RYR2: variants seen among roughly 807,000 people sequenced by gnomAD.
RYR2 encodes the protein ryanodine receptor 2, also known as cardiac muscle ryanodine receptor-calcium release channel.
A neutral mutation model predicts 601.1 loss-of-function variants in RYR2; 227 were observed. That is an observed-to-expected ratio of 0.38 (90% CI 0.34 to 0.42). The LOEUF is 0.42. Among genes scored for constraint, RYR2 ranks in the 10% least tolerant of loss-of-function variants. The pLI is 1.00. For missense variants in RYR2, 4,646 were observed against 6,156.5 expected, an observed-to-expected ratio of 0.75 and a Z score of 8.21; for synonymous variants, 2,223 against 2,175.1, an observed-to-expected ratio of 1.02 and a Z score of -0.61.
chr1:237,188,597 T>C (rs1679623175), intron 1 of RYR2, among the ~76,000 whole-genome samples: 1 of 151,908 alleles, frequency 6.6e-6, no homozygotes, highest in Non-Finnish European at 1.5e-5. Flanking sequence ...GGAGTTTCAC[T>C]CTTTGTTGCC....
intron 33 of RYR2, among the ~76,000 whole-genome samples, chr1:237,594,897 T>TGTTTTTTG (rs1559084064): frequency 2.3e-3 from 49 of 21,210 alleles, no homozygotes; most frequent in African/African-American, 3.4e-3. Context: ...TTTTTTTTTT[T>TGTTTTTTG]TTTTTTTTTT....
intron 96 of RYR2, 38 bp from the exon 97 acceptor site, chr1:237,797,999 G>GT (rs1428735712): frequency 2.5e-6 from 4 of 1,579,016 alleles, no homozygotes; most frequent in Non-Finnish European, 3.4e-6. Flanking sequence ...GTTACTTAAT[G>GT]GTTGAAGCCA....
intron 29 of RYR2, among the ~76,000 whole-genome samples, chr1:237,587,399 A>T (rs1297441637): frequency 6.6e-6 from 1 of 152,170 alleles, no homozygotes; most frequent in Non-Finnish European, 1.5e-5. Context: ...TTTTTTAATA[A>T]AATATATATA....
rs1667428269 is a variant in RYR2 at position 237,524,961 on chromosome 1, T to C, written c.2823-5466T>C. ...TAGAATCAGAGGGTACATGTGCGTG[T>C]TTGTAACATAGGTATATTGCTATGT... On this transcript the variant is annotated intron_variant, in intron 24 of 104. Coordinates refer to ENST00000366574, the MANE Select transcript of RYR2 (RefSeq NM_001035.3). Among the ~76,000 whole-genome samples, 5 of 152,252 alleles carry C rather than the reference T, an allele frequency of 3.3e-5. No homozygotes were observed. The South Asian group carries it at 1.0e-3, about 32-fold the overall frequency.
intron 58 of RYR2, among the ~76,000 whole-genome samples, chr1:237,673,160 G>T (rs1685102608): frequency 6.6e-6 from 1 of 152,088 alleles, no homozygotes; most frequent in Non-Finnish European, 1.5e-5. Flanking sequence ...AATTCCCTTA[G>T]CAGTTGTATT....
intron 1 of RYR2, among the ~76,000 whole-genome samples, chr1:237,055,163 T>G (rs532862182): frequency 1.3e-5 from 2 of 152,102 alleles, no homozygotes; most frequent in Non-Finnish European, 2.9e-5. Flanking sequence ...GAGACCCTGA[T>G]GCGAAGGCGG....
chr1:237,426,373 A>G (rs552324171), intron 12 of RYR2, among the ~76,000 whole-genome samples: 39 of 152,298 alleles, frequency 2.6e-4, no homozygotes, highest in Admixed American at 8.5e-4. Flanking sequence ...GGGCCTCTAC[A>G]GTGGGCCAGA....
chr1:237,516,479 A>T (rs150536693), intron 24 of RYR2, among the ~76,000 whole-genome samples: 2 of 152,110 alleles, frequency 1.3e-5, no homozygotes, highest in Non-Finnish European at 2.9e-5. Context: ...ATTTCTTCTC[A>T]GTGTGCAAGC....
At chr1:237,715,596 C>T (rs1253054572) in intron 71 of RYR2, among the ~76,000 whole-genome samples, 2 of 152,064 alleles carry the variant, frequency 1.3e-5, no homozygotes. Flanking sequence ...GATATAAGCT[C>T]CTTCTGCCTA....
chr1:237,769,522 C>G (rs1355929845), intron 84 of RYR2, among the ~76,000 whole-genome samples: 1 of 152,018 alleles, frequency 6.6e-6, no homozygotes, highest in Non-Finnish European at 1.5e-5. Flanking sequence ...ATTTTATGTA[C>G]TTTTTTTAAT....
chr1:237,831,899 A>C (rs2102960552), intron 104 of RYR2, among the ~76,000 whole-genome samples: 1 of 152,304 alleles, frequency 6.6e-6, no homozygotes, highest in African/African-American at 2.4e-5. Flanking sequence ...ATGAACTTCA[A>C]AGTATTATGT....
chr1:237,230,389 A>G (rs1341107434), intron 1 of RYR2, among the ~76,000 whole-genome samples: 1 of 152,238 alleles, frequency 6.6e-6, no homozygotes, highest in African/African-American at 2.4e-5. Context: ...GAAAACAGAC[A>G]AAGCAATACC....
chr1:237,759,939 A>C, intron 83 of RYR2, 87 bp downstream of exon 83: 1 of 797,870 alleles, frequency 1.3e-6, no homozygotes, highest in Admixed American at 2.3e-5. Flanking sequence ...ATAATTGCAC[A>C]TAGAAGAATA....
At chr1:237,638,035 G>A (rs970107926) in intron 44 of RYR2, among the ~76,000 whole-genome samples, 4 of 151,866 alleles carry the variant, frequency 2.6e-5, no homozygotes, top group Admixed American at 1.3e-4. Context: ...GTTCTAGTCC[G>A]TGAGTCTTGA....
chr1:237,493,510 T>G (rs944112988), intron 19 of RYR2, among the ~76,000 whole-genome samples: 3 of 152,162 alleles, frequency 2.0e-5, no homozygotes, highest in African/African-American at 7.2e-5. Context: ...TGGAGTGCAG[T>G]GGCACGATCT....
At chr1:237,170,321 T>C (rs1260963629) in intron 1 of RYR2, among the ~76,000 whole-genome samples, 1 of 152,124 alleles carries the variant, frequency 6.6e-6, no homozygotes, top group Non-Finnish European at 1.5e-5. Flanking sequence ...GCCAGGCTCT[T>C]AGGCAGCAGG....
intron 1 of RYR2, among the ~76,000 whole-genome samples, chr1:237,168,362 T>G (rs1229246457): frequency 6.6e-6 from 1 of 152,192 alleles, no homozygotes; most frequent in Non-Finnish European, 1.5e-5. Context: ...AAACTTCATA[T>G]TAGAATTTTT....
intron 1 of RYR2, among the ~76,000 whole-genome samples, chr1:237,166,276 A>G (rs1306952579): frequency 2.0e-5 from 3 of 152,174 alleles, no homozygotes; most frequent in South Asian, 2.1e-4. Context: ...TTTGTCAGCA[A>G]TCTTTCAAAA....
intron 1 of RYR2, among the ~76,000 whole-genome samples, chr1:237,222,234 GA>G (rs1683874681): frequency 1.3e-5 from 2 of 152,220 alleles, no homozygotes; most frequent in East Asian, 3.9e-4. Flanking sequence ...CTAACACGGT[GA>G]AACCCCATCT....
Sources: allele counts gnomAD v4.1 joint callset (sites outside exome capture counted in the v4.1 genomes callset), GRCh38; gene constraint gnomAD v4.1.1; transcripts MANE v1.5; gene names NCBI Gene and HGNC (gene_info 2026-07-23, HGNC 2026-07-21).